The following MFSD1 variants were observed in gnomAD, a reference collection of about 807,000 sequenced individuals.
The protein encoded by MFSD1 is major facilitator superfamily domain containing 1, also known as lysosomal dipeptide transporter MFSD1.
Under a neutral mutation model 67.1 loss-of-function variants are expected in MFSD1, and 59 were observed. The observed-to-expected ratio is 0.88, with a 90% CI of 0.71 to 1.09. The LOEUF (loss-of-function observed/expected upper bound fraction) is 1.09. Among genes scored for constraint, MFSD1 ranks in the 50% least tolerant of loss-of-function variants. MFSD1 has a pLI of 0.00. For synonymous variants in MFSD1, 213 were observed against 200.3 expected (o/e 1.06, Z -0.54); for missense variants, 552 against 566.1 (o/e 0.97, Z 0.25).
At chr3:158,817,193 C>T (rs1730411077) in intron 7 of MFSD1, among the ~76,000 whole-genome samples, 1 of 152,138 alleles carries the variant, frequency 6.6e-6, no homozygotes, top group East Asian at 1.9e-4. Flanking sequence ...TGGCACAAGA[C>T]AGGGATGCCC....
rs2108206303 is a variant in MFSD1 at position 158,807,021 on chromosome 3, T to C, written c.330-19T>C. Reference sequence around the variant, plus strand: ...TTTCTTTTTCTTTTTCTCATTCTCATTCTTTCTTTCCCAAACAGATGGGGC... The same window carrying C: ...TTTCTTTTTCTTTTTCTCATTCTCACTCTTTCTTTCCCAAACAGATGGGGC... On this transcript the variant is annotated intron_variant, in intron 3 of 15. Transcript: ENST00000415822. 6.2e-7 allele frequency: 1 copy of C among 1,601,182 alleles called. No homozygotes were observed. The highest frequency in any genetic ancestry group is 2.2e-5 in the East Asian group (1 of 44,620).
chr3:158,824,053 A>G lies in MFSD1; in HGVS notation c.1176-71A>G, dbSNP rs900581976. 20 of 993,086 alleles carry G rather than the reference A, an allele frequency of 2.0e-5. No individual in the cohort carries two copies. In the African/African-American group the frequency reaches 2.8e-4, roughly 14 times the overall value. 61.5% of individuals were successfully genotyped at this position (993,086 alleles called of 1,614,324 possible). A position where few individuals can be genotyped will look rare whatever the true frequency, so the allele number is the denominator to read the frequency against. On this transcript the variant is annotated intron_variant, in intron 12 of 15. Coordinates refer to ENST00000415822, the MANE Select transcript of MFSD1 (RefSeq NM_022736.4). Reference sequence around the variant, plus strand: ...ATATGGTTCACAGATACTAATATTTATAGTGAAGTGTTAGCCTATGTGTGA... The same window carrying G: ...ATATGGTTCACAGATACTAATATTTGTAGTGAAGTGTTAGCCTATGTGTGA...
intron 1 of MFSD1, among the ~76,000 whole-genome samples, chr3:158,803,394 A>G (rs750110010): frequency 7.2e-5 from 11 of 152,044 alleles, no homozygotes; most frequent in Non-Finnish European, 1.6e-4. Context: ...ATGCCCATCC[A>G]TTAGCTTTAA....
In MFSD1 at chr3:158,802,167, T is replaced by C; in HGVS notation, c.15T>C (p.Asp5=). Residue 5 remains aspartate (D), a synonymous_variant, in exon 1 of 16, where the codon GAT becomes GAC. Coordinates refer to ENST00000415822, the MANE Select transcript of MFSD1 (RefSeq NM_022736.4). ...CTGCGGGCGCAATGGAGGAGGAGGA[T>C]GAGGAAGCGCGGGCGCTCCTGGCAG... MEEE[D]EEARALLAGG... 1 of 1,612,676 alleles carries C rather than the reference T, an allele frequency of 6.2e-7. No homozygotes were observed. Among genetic ancestry groups the C allele is most frequent in the East Asian group, 2.2e-5 (1 of 44,852 alleles).
At position 158,807,063 on chromosome 3, in the gene MFSD1, G is replaced by T. The variant is rs757304035; in HGVS notation, c.353G>T (p.Cys118Phe). 6.2e-7 allele frequency: 1 copy of T among 1,609,336 alleles called. No homozygotes were observed. Among genetic ancestry groups the T allele is most frequent in the Non-Finnish European group, 8.5e-7 (1 of 1,177,804 alleles). The change falls in exon 4 of 16, where the codon TGC becomes TTC. Residue 118 changes from cysteine (C) to phenylalanine (F), a missense_variant. By Grantham distance (205) the Cys-to-Phe change is radical (BLOSUM62 -2). Coordinates refer to ENST00000415822, the MANE Select transcript of MFSD1 (RefSeq NM_022736.4). ...GIRWGTIIFS[C>F]FVCIGQVVFA... The stretch of plus-strand genomic sequence containing the variant: ...AGATGGGGCACAATCATTTTTAGCT[G>T]CTTTGTTTGCATTGGACAGGTAAGG...
chr3:158,809,395 T>C (rs1315531622), intron 6 of MFSD1, 108 bp downstream of exon 6: 1 of 690,434 alleles, frequency 1.4e-6, no homozygotes, highest in Admixed American at 3.1e-5. Context: ...GTAAATTAGA[T>C]ATTAACTTTT....
intron 11 of MFSD1, chr3:158,823,188 G>A (rs1414994496): frequency 2.2e-6 from 1 of 454,560 alleles, no homozygotes; most frequent in Non-Finnish European, 4.0e-6. Context: ...AGTTACATAT[G>A]CATATAATAT....
chr3:158,819,236 G>A (rs900713045), intron 7 of MFSD1, among the ~76,000 whole-genome samples: 7 of 152,204 alleles, frequency 4.6e-5, no homozygotes, highest in African/African-American at 1.7e-4. Context: ...AACATCGGAA[G>A]GAAGAGAGAT....
intron 6 of MFSD1, among the ~76,000 whole-genome samples, chr3:158,813,600 C>T (rs757096214): frequency 6.6e-6 from 1 of 152,074 alleles, no homozygotes; most frequent in Non-Finnish European, 1.5e-5. Flanking sequence ...ATGTTTTTCC[C>T]TCAGATTTCA....
At chr3:158,822,199 C>A in intron 11 of MFSD1, 59 bp downstream of exon 11, 1 of 1,529,118 alleles carries the variant, frequency 6.5e-7, no homozygotes, top group South Asian at 1.3e-5. Flanking sequence ...CTGTCATGTT[C>A]ATCTAAGTAG....
chr3:158,808,874 A>G (rs1233659393), intron 5 of MFSD1: 1 of 260,208 alleles, frequency 3.8e-6, no homozygotes, highest in African/African-American at 2.2e-5. Flanking sequence ...GGGCACTTAC[A>G]TGTGGCCTCT....
intron 2 of MFSD1, among the ~76,000 whole-genome samples, chr3:158,804,916 C>G: frequency 6.6e-6 from 1 of 151,830 alleles, no homozygotes; most frequent in Middle Eastern, 3.2e-3. Context: ...ATAGGTTGAC[C>G]CTTTTCATTC....
intron 7 of MFSD1, among the ~76,000 whole-genome samples, chr3:158,816,702 G>A (rs1730369276): frequency 6.6e-6 from 1 of 151,398 alleles, no homozygotes; most frequent in Non-Finnish European, 1.5e-5. Context: ...TGCTTTTGGT[G>A]TTTTAGACAT....
chr3:158,809,155 T>G, intron 5 of MFSD1, 24 bp from the exon 6 acceptor site: 1 of 1,376,434 alleles, frequency 7.3e-7, no homozygotes, highest in Non-Finnish European at 9.8e-7. Context: ...GACTTCTGGT[T>G]TTTTTTTTTT....
intron 5 of MFSD1, chr3:158,808,913 G>T (rs1729860117): frequency 5.7e-6 from 2 of 352,908 alleles, no homozygotes; most frequent in Non-Finnish European, 1.0e-5. Context: ...CATAGCATGG[G>T]GGTAGTGGTT....
At chr3:158,821,558 C>A (rs753810046) in intron 9 of MFSD1, 39 bp from the exon 10 acceptor site, 3 of 1,350,030 alleles carry the variant, frequency 2.2e-6, no homozygotes, top group Admixed American at 3.8e-5. Flanking sequence ...CAGAGTAGTT[C>A]TCTCTAATGT....
At chr3:158,816,363 G>A (rs1308241066) in intron 7 of MFSD1, among the ~76,000 whole-genome samples, 10 of 152,242 alleles carry the variant, frequency 6.6e-5, no homozygotes, top group Admixed American at 2.0e-4. Flanking sequence ...GTGTGAGATG[G>A]TATCTCATTG....
chr3:158,822,068 T>C lies in MFSD1; in HGVS notation c.1005T>C (p.Leu335=). ...DKTGKNIIWV[L]CAVAATLVSH... ...CAGGGAAGAACATCATCTGGGTTCT[T>C]TGCGCAGTAGCAGCCACTCTTGTGT... The change falls in exon 11 of 16, where the codon CTT becomes CTC. Residue 335 remains leucine (L), a synonymous_variant. Coordinates refer to ENST00000415822, the MANE Select transcript of MFSD1 (RefSeq NM_022736.4). 1 of 1,613,970 alleles carries C rather than the reference T, an allele frequency of 6.2e-7. No homozygotes were observed. Among genetic ancestry groups the C allele is most frequent in the East Asian group, 2.2e-5 (1 of 44,868 alleles).
At chr3:158,827,135 C>A in intron 14 of MFSD1, 145 bp from the exon 15 acceptor site, 2 of 536,934 alleles carry the variant, frequency 3.7e-6, no homozygotes, top group Non-Finnish European at 6.5e-6. Flanking sequence ...AGTAGATAAA[C>A]CATTACTTTT....
Sources: allele counts gnomAD v4.1 joint callset (sites outside exome capture counted in the v4.1 genomes callset), GRCh38; gene constraint gnomAD v4.1.1; transcripts MANE v1.5; gene names NCBI Gene and HGNC (gene_info 2026-07-23, HGNC 2026-07-21).